Variants in BTBD7 observed in about 807,000 individuals in gnomAD.
BTBD7 encodes BTB/POZ domain-containing protein 7.
In BTBD7, 38 loss-of-function variants were observed where a neutral mutation model predicts 99.9. The observed-to-expected ratio is 0.38, with a 90% CI of 0.29 to 0.50. The LOEUF is 0.50. Among genes scored for constraint, BTBD7 ranks in the 20% least tolerant of loss-of-function variants. The pLI is 0.93. For synonymous variants in BTBD7, 520 were observed against 511.4 expected (o/e 1.02, Z -0.23); for missense variants, 1,170 against 1,394.6 (o/e 0.84, Z 2.57).
intron 3 of BTBD7, among the ~76,000 whole-genome samples, chr14:93,271,909 C>T (rs1266829772): frequency 2.0e-5 from 3 of 152,078 alleles, no homozygotes; most frequent in Admixed American, 1.3e-4. Context: ...AGGAGGCTGA[C>T]GTGGGAAGAC....
At position 93,244,855 on chromosome 14, in the gene BTBD7, CT is replaced by C. The variant is rs58775665; in HGVS notation, c.2583+969del. 8.1e-3 allele frequency among the ~76,000 whole-genome samples: 866 copies of C among 107,408 alleles called. 3 individuals are homozygous for C. Among genetic ancestry groups the C allele is most frequent in the Non-Finnish European group, 0.012 (642 of 54,672 alleles). The allele number at this position is 107,408 out of a possible 152,430, so 70.5% of individuals were successfully genotyped here. On this transcript the variant is annotated intron_variant, in intron 10 of 10. Transcript: ENST00000334746. ...ATGAAGACTTACAAATCTTACAAAT[CT>C]TTTTTTTTTTTTTTTTTTTTGAGAC...
intron 1 of BTBD7, among the ~76,000 whole-genome samples, chr14:93,315,390 G>T (rs1366719482): frequency 6.6e-6 from 1 of 152,192 alleles, no homozygotes; most frequent in East Asian, 1.9e-4. Context: ...ATAACTGGAG[G>T]ATGCTTTTGT....
rs1566831463 is a variant in BTBD7, at chr14:93,242,523, C to CCGGT, written c.3145_3148dup (p.Gly1050AspfsTer15). The CCGGT allele has an allele frequency of 6.2e-7, 1 of 1,614,204 alleles. No homozygotes were observed. The highest frequency in any genetic ancestry group is 8.5e-7 in the Non-Finnish European group (1 of 1,180,038). ...AGTTCGTCCCCTGACATGGGCTGGA[C>CCGGT]CGGTACTAGCATTTTCTGGGGCTGC... On this transcript the variant is annotated frameshift_variant, in exon 11 of 11. Transcript: ENST00000334746. LOFTEE classifies it high-confidence loss of function.
intron 1 of BTBD7, among the ~76,000 whole-genome samples, chr14:93,319,116 G>A (rs1357267991): frequency 6.6e-6 from 1 of 152,172 alleles, no homozygotes; most frequent in Non-Finnish European, 1.5e-5. Context: ...CTGAGATGAG[G>A]GATCACTTGA....
chr14:93,306,130 C>A (rs2053066864), intron 1 of BTBD7, among the ~76,000 whole-genome samples: 1 of 152,088 alleles, frequency 6.6e-6, no homozygotes, highest in African/African-American at 2.4e-5. Context: ...TCATAGAAGA[C>A]ATAGTGAAGA....
intron 1 of BTBD7, among the ~76,000 whole-genome samples, chr14:93,317,395 G>T (rs1409296727): frequency 2.0e-5 from 3 of 150,662 alleles, no homozygotes; most frequent in African/African-American, 4.9e-5. Context: ...ACAGGGTTTG[G>T]TATGTCGCCC....
At chr14:93,298,485 G>T (rs567766988) in intron 1 of BTBD7, among the ~76,000 whole-genome samples, 2 of 152,292 alleles carry the variant, frequency 1.3e-5, no homozygotes, top group South Asian at 4.1e-4. Flanking sequence ...TTCAGGCTAT[G>T]TGTATAAAGT....
At chr14:93,290,758 T>G (rs1169901621) in intron 3 of BTBD7, among the ~76,000 whole-genome samples, 2 of 151,978 alleles carry the variant, frequency 1.3e-5, no homozygotes, top group South Asian at 2.1e-4. Context: ...TGGTGCGATC[T>G]CAGCTCACTG....
intron 1 of BTBD7, 151 bp downstream of exon 1, chr14:93,332,669 C>A: frequency 2.5e-6 from 3 of 1,198,398 alleles, no homozygotes; most frequent in African/African-American, 1.6e-5. Flanking sequence ...CTGGCCCCTC[C>A]CCGCCCGGCG....
At chr14:93,278,850 T>TTAGGTG (rs1343238120) in intron 3 of BTBD7, among the ~76,000 whole-genome samples, 1 of 152,180 alleles carries the variant, frequency 6.6e-6, no homozygotes, top group African/African-American at 2.4e-5. Context: ...ATCCCAGCAC[T>TTAGGTG]TAGGTGAATT....
intron 3 of BTBD7, among the ~76,000 whole-genome samples, chr14:93,274,505 A>G (rs1404705646): frequency 6.6e-6 from 1 of 152,222 alleles, no homozygotes; most frequent in Non-Finnish European, 1.5e-5. Context: ...GGAAGGTGGT[A>G]GGTAAATGTC....
chr14:93,307,797 T>C (rs2053088163), intron 1 of BTBD7, among the ~76,000 whole-genome samples: 1 of 152,214 alleles, frequency 6.6e-6, no homozygotes, highest in African/African-American at 2.4e-5. Flanking sequence ...ATTTCATTTA[T>C]TCAACACTAA....
intron 3 of BTBD7, among the ~76,000 whole-genome samples, chr14:93,272,103 G>A (rs983204062): frequency 6.6e-6 from 1 of 152,078 alleles, no homozygotes. Context: ...CGGATCACCA[G>A]GTCAGGAGTT....
At chr14:93,269,776 GC>G (rs3832960) in intron 3 of BTBD7, among the ~76,000 whole-genome samples, 6,188 of 152,160 alleles carry the variant, frequency 0.041, 165 homozygotes, top group South Asian at 0.078. Context: ...GAATAGTACT[GC>G]TCTGTCTAGA....
chr14:93,323,873 G>A (rs2053297332), intron 1 of BTBD7, among the ~76,000 whole-genome samples: 1 of 152,120 alleles, frequency 6.6e-6, no homozygotes, highest in South Asian at 2.1e-4. Context: ...ACTCTTTCAT[G>A]TTACTATTTC....
intron 10 of BTBD7, 63 bp downstream of exon 10, chr14:93,245,762 A>G: frequency 6.4e-7 from 1 of 1,550,576 alleles, no homozygotes; most frequent in South Asian, 1.2e-5. Flanking sequence ...CTTGGGGCCA[A>G]GAAAATTGCT....
At chr14:93,331,081 C>T (rs916042757) in intron 1 of BTBD7, among the ~76,000 whole-genome samples, 1 of 151,884 alleles carries the variant, frequency 6.6e-6, no homozygotes, top group Non-Finnish European at 1.5e-5. Context: ...AATATCACTC[C>T]GTTTTTATTA....
intron 3 of BTBD7, among the ~76,000 whole-genome samples, chr14:93,285,899 G>A (rs1336613217): frequency 6.6e-6 from 1 of 152,128 alleles, no homozygotes; most frequent in Admixed American, 6.5e-5. Flanking sequence ...TTATCTCAAA[G>A]GACACTATTA....
intron 1 of BTBD7, among the ~76,000 whole-genome samples, chr14:93,330,836 A>G (rs936141234): frequency 1.3e-5 from 2 of 152,212 alleles, no homozygotes; most frequent in Non-Finnish European, 2.9e-5. Flanking sequence ...ACTCAAGATG[A>G]TACCTGGAAA....
Sources: allele counts gnomAD v4.1 joint callset (sites outside exome capture counted in the v4.1 genomes callset), GRCh38; gene constraint gnomAD v4.1.1; transcripts MANE v1.5; gene names NCBI Gene and HGNC (gene_info 2026-07-23, HGNC 2026-07-21).